Variants in NCKAP5 observed in about 807,000 individuals in gnomAD.
NCKAP5 encodes NCK associated protein 5.
A neutral mutation model predicts 167.0 loss-of-function variants in NCKAP5; 92 were observed. The ratio of observed to expected loss-of-function variants is 0.55; its 90% confidence interval spans 0.47 to 0.66. NCKAP5 has a LOEUF of 0.66. NCKAP5 is among the 30% of genes least tolerant of loss of function. The probability of loss-of-function intolerance (pLI) is 0.00; values close to 1 mark genes in which losing one functional copy is unlikely to be tolerated. For missense variants in NCKAP5, 2,378 were observed against 2,315.0 expected, an observed-to-expected ratio of 1.03 and a Z score of -0.56; for synonymous variants, 891 against 877.4, an observed-to-expected ratio of 1.02 and a Z score of -0.27.
intron 7 of NCKAP5, among the ~76,000 whole-genome samples, chr2:132,970,774 A>G (rs1015904929): frequency 6.6e-6 from 1 of 152,136 alleles, no homozygotes; most frequent in African/African-American, 2.4e-5. Flanking sequence ...AATAACATCA[A>G]TCAACACAAA....
At chr2:133,572,951 G>T (rs1575174067), upstream of NCKAP5, among the ~76,000 whole-genome samples, 2 of 152,178 alleles carry the variant, frequency 1.3e-5, no homozygotes, top group Admixed American at 1.3e-4. Flanking sequence ...ATCAGACATT[G>T]ATAAAGATCA....
In NCKAP5 at chr2:133,316,734, G is replaced by A. The variant is rs150177468; in HGVS notation, c.70-13624C>T. On this transcript the variant is annotated intron_variant, in intron 3 of 19. Transcript: ENST00000409261. ...CCTCTACTGCCGCTGGGTGGGAATGGGTGGTGCCCAGGATCTGATCACATT... is the reference window on the plus strand; with the variant it reads ...CCTCTACTGCCGCTGGGTGGGAATGAGTGGTGCCCAGGATCTGATCACATT... Among the ~76,000 whole-genome samples the A allele has an allele frequency of 3.8e-3, 577 of 152,238 alleles. 2 individuals carry two copies. The highest frequency in any genetic ancestry group is 0.013 in the African/African-American group (534 of 41,540).
intron 3 of NCKAP5, among the ~76,000 whole-genome samples, chr2:133,401,643 A>G (rs1265573206): frequency 1.3e-5 from 2 of 152,180 alleles, no homozygotes; most frequent in Non-Finnish European, 2.9e-5. Context: ...GTAGAAACCA[A>G]TCATCATAGT....
At chr2:133,659,583 T>C in the NCKAP5 span, among the ~76,000 whole-genome samples, 2 of 152,150 alleles carry the variant, frequency 1.3e-5, no homozygotes, top group African/African-American at 2.4e-5. Context: ...GGAGAATATA[T>C]TTTCAAATCG....
At chr2:132,708,180 G>A (rs1043123155) in intron 19 of NCKAP5, among the ~76,000 whole-genome samples, 6 of 152,038 alleles carry the variant, frequency 3.9e-5, no homozygotes, top group African/African-American at 1.2e-4. Context: ...AAAAGGAGAC[G>A]GAAGAGTAAA....
intron 6 of NCKAP5, among the ~76,000 whole-genome samples, chr2:133,041,434 G>C (rs1260908881): frequency 6.6e-6 from 1 of 152,074 alleles, no homozygotes; most frequent in Non-Finnish European, 1.5e-5. Flanking sequence ...TTCATTTGTT[G>C]CACGAATTTT....
At chr2:132,745,844 A>T (rs1679593734) in intron 16 of NCKAP5, among the ~76,000 whole-genome samples, 1 of 152,032 alleles carries the variant, frequency 6.6e-6, no homozygotes, top group African/African-American at 2.4e-5. Context: ...AACAGCATCA[A>T]AATATGAAAA....
At chr2:133,010,273 T>C (rs1048951836) in intron 6 of NCKAP5, among the ~76,000 whole-genome samples, 4 of 152,198 alleles carry the variant, frequency 2.6e-5, no homozygotes, top group Admixed American at 2.6e-4. Flanking sequence ...TAAAATAGTC[T>C]CTCTCTACTG....
intron 3 of NCKAP5, among the ~76,000 whole-genome samples, chr2:133,435,038 A>G (rs1434723703): frequency 6.6e-6 from 1 of 152,250 alleles, no homozygotes; most frequent in Non-Finnish European, 1.5e-5. Context: ...TTTCCTTGGC[A>G]AAGCCCTGGC....
chr2:132,948,401 C>A (rs958047536), intron 8 of NCKAP5, among the ~76,000 whole-genome samples: 1 of 152,110 alleles, frequency 6.6e-6, no homozygotes, highest in African/African-American at 2.4e-5. Flanking sequence ...GGGACTGTTG[C>A]CTGCTGAGAG....
intron 3 of NCKAP5, among the ~76,000 whole-genome samples, chr2:133,379,266 G>A (rs1253140847): frequency 1.3e-5 from 2 of 152,080 alleles, no homozygotes; most frequent in East Asian, 1.9e-4. Context: ...AGTAAATCCC[G>A]ACGTGCATAC....
intron 3 of NCKAP5, among the ~76,000 whole-genome samples, chr2:133,345,471 T>C (rs1161909228): frequency 1.3e-5 from 2 of 152,180 alleles, no homozygotes; most frequent in African/African-American, 4.8e-5. Flanking sequence ...ATGTTCAGAA[T>C]ATGGAGCAAT....
Position 132,784,342 on chromosome 2 carries a change from T to C in NCKAP5, c.2469A>G (p.Thr823=). ...TCACCAGGCCAGATGAAGGGAGTAG[T>C]GTGGTGGCTTCGGGCTCCATTAGTT... The part of the protein sequence containing the change: ...KSKLMEPEAT[T]LLPSSGLVTL... Residue 823 remains threonine, a synonymous_variant, in exon 14 of 20, where the codon ACA becomes ACG. Coordinates refer to ENST00000409261, the MANE Select transcript of NCKAP5 (RefSeq NM_207363.3). The C allele has an allele frequency of 6.2e-7, 1 of 1,614,022 alleles. No individual in the cohort carries two copies. The highest frequency in any genetic ancestry group is 8.5e-7 in the Non-Finnish European group (1 of 1,179,896).
At chr2:132,802,374 A>G (rs1169600515) in intron 11 of NCKAP5, among the ~76,000 whole-genome samples, 1 of 152,186 alleles carries the variant, frequency 6.6e-6, no homozygotes, top group Non-Finnish European at 1.5e-5. Context: ...TTGTTTTCAA[A>G]TCATCTCCAC....
intron 1 of NCKAP5, among the ~76,000 whole-genome samples, chr2:133,567,110 T>C (rs1476928325): frequency 6.6e-6 from 1 of 152,208 alleles, no homozygotes; most frequent in African/African-American, 2.4e-5. Flanking sequence ...GGGGTTCACA[T>C]GCGGAGCTAA....
At chr2:133,217,086 T>C (rs538421486) in intron 4 of NCKAP5, among the ~76,000 whole-genome samples, 2 of 152,268 alleles carry the variant, frequency 1.3e-5, no homozygotes, top group East Asian at 3.9e-4. Context: ...GAGAGGCACC[T>C]ATTGAGAAGC....
At chr2:133,311,107 G>T (rs1681201572) in intron 3 of NCKAP5, among the ~76,000 whole-genome samples, 1 of 152,076 alleles carries the variant, frequency 6.6e-6, no homozygotes, top group Non-Finnish European at 1.5e-5. Context: ...CAGGGTGAGG[G>T]CTCAGTCCCA....
At chr2:133,199,283 G>A (rs1477037720) in intron 5 of NCKAP5, among the ~76,000 whole-genome samples, 4 of 151,818 alleles carry the variant, frequency 2.6e-5, no homozygotes, top group African/African-American at 4.8e-5. Context: ...ACCTAAAGAC[G>A]CCATTATTTA....
At chr2:133,617,003 G>C in the NCKAP5 span, among the ~76,000 whole-genome samples, 1 of 152,034 alleles carries the variant, frequency 6.6e-6, no homozygotes, top group African/African-American at 2.4e-5. Flanking sequence ...TCAATATACG[G>C]AAATCAATAA....
Sources: allele counts gnomAD v4.1 joint callset (sites outside exome capture counted in the v4.1 genomes callset), GRCh38; gene constraint gnomAD v4.1.1; transcripts MANE v1.5; gene names NCBI Gene and HGNC (gene_info 2026-07-23, HGNC 2026-07-21).